The following UHRF2 variants were observed in gnomAD, a reference collection of about 807,000 sequenced individuals.
UHRF2 encodes ubiquitin like with PHD and ring finger domains 2.
In UHRF2, 23 loss-of-function variants were observed where a neutral mutation model predicts 96.8. The observed-to-expected ratio is 0.24, with a 90% confidence interval of 0.17 to 0.34. The LOEUF is 0.34. Among genes scored for constraint, UHRF2 ranks in the 10% least tolerant of loss-of-function variants. UHRF2 has a pLI of 1.00. For synonymous variants in UHRF2, 385 were observed against 332.6 expected (o/e 1.16, Z -1.72); for missense variants, 685 against 981.5 (o/e 0.70, Z 4.04).
intron 3 of UHRF2, among the ~76,000 whole-genome samples, chr9:6,451,859 C>G (rs1476711685): frequency 1.3e-5 from 2 of 152,022 alleles, no homozygotes; most frequent in Non-Finnish European, 2.9e-5. Context: ...TCTGGGCTCA[C>G]TGCAGTCTCT....
intron 9 of UHRF2, among the ~76,000 whole-genome samples, chr9:6,493,417 G>A (rs192963100): frequency 6.7e-6 from 1 of 149,116 alleles, no homozygotes; most frequent in African/African-American, 2.5e-5. Context: ...ATGTCAGTTG[G>A]AAATTTGGTT....
intron 9 of UHRF2, among the ~76,000 whole-genome samples, chr9:6,488,801 GT>G (rs1319985771): frequency 3.5e-5 from 5 of 141,938 alleles, no homozygotes; most frequent in Admixed American, 7.1e-5. Context: ...CGTGCTGAGT[GT>G]TTTTTTTTTG....
intron 1 of UHRF2, among the ~76,000 whole-genome samples, chr9:6,417,736 A>G (rs1320785365): frequency 6.6e-6 from 1 of 152,214 alleles, no homozygotes; most frequent in Non-Finnish European, 1.5e-5. Flanking sequence ...CTGTGGATGT[A>G]ACTTATAGGG....
intron 2 of UHRF2, among the ~76,000 whole-genome samples, chr9:6,423,664 G>T (rs1308475026): frequency 5.4e-5 from 8 of 148,268 alleles, no homozygotes; most frequent in Non-Finnish European, 1.2e-4. Flanking sequence ...GAAAAGTCTC[G>T]GCCGGGCGTG....
At chr9:6,440,772 G>C (rs1488073243) in intron 3 of UHRF2, among the ~76,000 whole-genome samples, 1 of 152,112 alleles carries the variant, frequency 6.6e-6, no homozygotes, top group African/African-American at 2.4e-5. Context: ...TAGTTACTTA[G>C]ACTAGTGTTC....
At chr9:6,484,036 T>A (rs554154461) in intron 8 of UHRF2, among the ~76,000 whole-genome samples, 1 of 152,058 alleles carries the variant, frequency 6.6e-6, no homozygotes, top group East Asian at 1.9e-4. Context: ...AAAATTTTAG[T>A]TGTCTCCTAT....
At chr9:6,469,244 G>A (rs1337862826) in intron 4 of UHRF2, among the ~76,000 whole-genome samples, 2 of 152,162 alleles carry the variant, frequency 1.3e-5, no homozygotes, top group African/African-American at 4.8e-5. Context: ...TAAGGGCCAG[G>A]CACCATGGCA....
intron 2 of UHRF2, 144 bp from the exon 3 acceptor site, chr9:6,433,770 G>A: frequency 2.6e-6 from 2 of 773,944 alleles, no homozygotes; most frequent in South Asian, 3.8e-5. Context: ...GAATAGTTTT[G>A]ATCTAATCTT....
chr9:6,479,316 C>G (rs775811835), intron 6 of UHRF2, among the ~76,000 whole-genome samples: 1 of 152,202 alleles, frequency 6.6e-6, no homozygotes, highest in Non-Finnish European at 1.5e-5. Context: ...GGTCAGTTCT[C>G]ATTCCTTACT....
intron 3 of UHRF2, among the ~76,000 whole-genome samples, chr9:6,444,975 A>G (rs1821400683): frequency 6.6e-6 from 1 of 151,994 alleles, no homozygotes; most frequent in Admixed American, 6.6e-5. Flanking sequence ...CACAGGCTAC[A>G]TAGTTTAGGC....
At chr9:6,472,360 A>AAGG (rs1299052337) in intron 4 of UHRF2, among the ~76,000 whole-genome samples, 1 of 152,244 alleles carries the variant, frequency 6.6e-6, no homozygotes, top group Non-Finnish European at 1.5e-5. Flanking sequence ...GTGAGAAAAT[A>AAGG]AGGAACAGTA....
intron 3 of UHRF2, among the ~76,000 whole-genome samples, chr9:6,434,904 C>G (rs779488865): frequency 6.6e-6 from 1 of 151,974 alleles, no homozygotes; most frequent in Non-Finnish European, 1.5e-5. Flanking sequence ...GATCCTGGCT[C>G]GCTGCAATCT....
chr9:6,423,851 A>G (rs2130732389), intron 2 of UHRF2, among the ~76,000 whole-genome samples: 1 of 152,264 alleles, frequency 6.6e-6, no homozygotes, highest in South Asian at 2.1e-4. Context: ...AGGCTGAGGC[A>G]GGAGAATTGC....
intron 3 of UHRF2, among the ~76,000 whole-genome samples, chr9:6,443,697 G>A (rs1269673098): frequency 1.3e-5 from 2 of 152,040 alleles, no homozygotes; most frequent in African/African-American, 4.8e-5. Flanking sequence ...GTATTAAAAG[G>A]GTTGCTTAAA....
At chr9:6,450,310 C>A (rs565039750) in intron 3 of UHRF2, among the ~76,000 whole-genome samples, 11 of 144,456 alleles carry the variant, frequency 7.6e-5, no homozygotes, top group Non-Finnish European at 1.4e-4. Context: ...CCCTTCCCCC[C>A]CCCCCATTTA....
chr9:6,442,751 A>G (rs1316021415), intron 3 of UHRF2, among the ~76,000 whole-genome samples: 5 of 151,796 alleles, frequency 3.3e-5, no homozygotes, highest in African/African-American at 7.3e-5. Context: ...TCGGCCTCCT[A>G]AAGTCCTGGA....
At chr9:6,499,550 T>C (rs1384654665) in intron 12 of UHRF2, 1 of 193,396 alleles carries the variant, frequency 5.2e-6, no homozygotes, top group Non-Finnish European at 1.1e-5. Context: ...TTTAAGGAAA[T>C]CTAATCACAA....
intron 3 of UHRF2, among the ~76,000 whole-genome samples, chr9:6,459,039 G>A (rs994531016): frequency 6.6e-6 from 1 of 152,124 alleles, no homozygotes; most frequent in Non-Finnish European, 1.5e-5. Flanking sequence ...GACGCAGGGA[G>A]GGGAACATAA....
intron 13 of UHRF2, 93 bp downstream of exon 13, chr9:6,500,024 G>A: frequency 9.9e-7 from 1 of 1,009,154 alleles, no homozygotes; most frequent in Admixed American, 2.1e-5. Context: ...CCAGGCTGGA[G>A]TGCAGTGGAA....
Sources: gnomAD v4.1 joint callset for allele counts (sites outside exome capture counted in the v4.1 genomes callset) on GRCh38, gnomAD v4.1.1 for gene constraint, MANE v1.5 for transcripts, NCBI Gene and HGNC (gene_info 2026-07-23, HGNC 2026-07-21) for gene names.